NLGN1: variants seen among roughly 807,000 people sequenced by gnomAD.
The protein encoded by NLGN1 is neuroligin-1.
NLGN1 carries 12 observed loss-of-function variants against 65.5 expected under a neutral mutation model. The ratio of observed to expected loss-of-function variants is 0.18; its 90% CI spans 0.12 to 0.30. The LOEUF (loss-of-function observed/expected upper bound fraction) is 0.30, where lower values mean the gene tolerates loss of function less well. Ranked by LOEUF, NLGN1 falls within the 10% of genes least tolerant of loss-of-function variation. NLGN1 has a pLI of 1.00. For missense variants in NLGN1, 750 were observed against 1,007.1 expected (o/e 0.74, Z 3.46); for synonymous variants, 350 against 359.5 (o/e 0.97, Z 0.30).
intron 3 of NLGN1, among the ~76,000 whole-genome samples, chr3:173,760,866 A>G (rs1777873501): frequency 1.3e-5 from 2 of 152,034 alleles, no homozygotes; most frequent in African/African-American, 4.8e-5. Flanking sequence ...ATGACACAGC[A>G]ACTAAAATTT....
intron 3 of NLGN1, among the ~76,000 whole-genome samples, chr3:173,617,692 C>G (rs113418019): frequency 6.6e-6 from 1 of 152,194 alleles, no homozygotes; most frequent in Non-Finnish European, 1.5e-5. Context: ...TGCCAACAGC[C>G]AGAGCTCTTG....
At chr3:173,664,715 A>C (rs1761455588) in intron 3 of NLGN1, among the ~76,000 whole-genome samples, 1 of 152,126 alleles carries the variant, frequency 6.6e-6, no homozygotes, top group African/African-American at 2.4e-5. Context: ...CTTATGTGTT[A>C]TTATGTATCA....
chr3:174,138,422 T>C (rs1486178544), intron 4 of NLGN1, among the ~76,000 whole-genome samples: 4 of 150,874 alleles, frequency 2.7e-5, no homozygotes. Flanking sequence ...CTAGTACTGC[T>C]TTCTACTATT....
intron 4 of NLGN1, among the ~76,000 whole-genome samples, chr3:174,176,712 G>A (rs73035671): frequency 0.015 from 2,301 of 152,132 alleles, 57 homozygotes; most frequent in African/African-American, 0.052. Flanking sequence ...GGAAAGAAAC[G>A]TCATTTTAAT....
At chr3:173,396,558 A>C (rs997673522), upstream of NLGN1, 5 of 152,150 alleles carry the variant, frequency 3.3e-5, no homozygotes, top group African/African-American at 1.2e-4. Flanking sequence ...CACTATTAAC[A>C]TTCTTTTGAG....
At chr3:174,186,125 A>G (rs1731356282) in intron 4 of NLGN1, among the ~76,000 whole-genome samples, 1 of 152,108 alleles carries the variant, frequency 6.6e-6, no homozygotes, top group Admixed American at 6.6e-5. Flanking sequence ...GTTAGAAAAC[A>G]TCCTAAGTGA....
chr3:173,493,130 A>G (rs1729451584), intron 2 of NLGN1, among the ~76,000 whole-genome samples: 1 of 151,876 alleles, frequency 6.6e-6, no homozygotes, highest in African/African-American at 2.4e-5. Context: ...TCTTCAATAT[A>G]TGCCTATTGG....
chr3:173,671,744 A>G (rs898114289), intron 3 of NLGN1, among the ~76,000 whole-genome samples: 7 of 152,218 alleles, frequency 4.6e-5, no homozygotes, highest in Non-Finnish European at 1.0e-4. Flanking sequence ...ATCTGACCCA[A>G]TGGCAAACAC....
At chr3:173,461,387 A>T (rs902731852) in intron 2 of NLGN1, among the ~76,000 whole-genome samples, 3 of 151,908 alleles carry the variant, frequency 2.0e-5, no homozygotes, top group African/African-American at 7.3e-5. Context: ...TGCATTAATC[A>T]TGCACTATGC....
intron 4 of NLGN1, among the ~76,000 whole-genome samples, chr3:174,241,695 C>T (rs1045703577): frequency 6.6e-6 from 1 of 151,786 alleles, no homozygotes; most frequent in South Asian, 2.1e-4. Context: ...GTTCTGTCCC[C>T]CAGGCTGGAG....
chr3:173,733,482 G>T (rs1773200286), intron 3 of NLGN1, among the ~76,000 whole-genome samples: 1 of 151,996 alleles, frequency 6.6e-6, no homozygotes, highest in African/African-American at 2.4e-5. Context: ...GTACTGTCAG[G>T]GAGGAAGGAT....
chr3:174,275,392 A>G (rs769103845), exon 5 of NLGN1: 1 of 1,612,726 alleles, frequency 6.2e-7, no homozygotes, highest in South Asian at 1.1e-5. Context: ...AAGATGGACT[A>G]GTGAAAACAT....
intron 3 of NLGN1, among the ~76,000 whole-genome samples, chr3:173,698,463 A>G (rs957434615): frequency 6.6e-6 from 1 of 152,194 alleles, no homozygotes; most frequent in Non-Finnish European, 1.5e-5. Flanking sequence ...TGCGCCTTCT[A>G]CTAGTGGAAC....
intron 4 of NLGN1, among the ~76,000 whole-genome samples, chr3:173,819,314 T>G: frequency 6.6e-6 from 1 of 152,144 alleles, no homozygotes; most frequent in East Asian, 1.9e-4. Context: ...CCAGGCAAAT[T>G]ACTTTAATCC....
chr3:173,902,148 A>G (rs1286478285), intron 4 of NLGN1, among the ~76,000 whole-genome samples: 1 of 152,126 alleles, frequency 6.6e-6, no homozygotes. Flanking sequence ...GCACTCTGCC[A>G]CATCCCATAC....
chr3:173,574,551 T>C (rs922329233), intron 2 of NLGN1, among the ~76,000 whole-genome samples: 8 of 152,164 alleles, frequency 5.3e-5, no homozygotes, highest in African/African-American at 1.9e-4. Context: ...AAATAATTTA[T>C]TTAAAGTCTG....
intron 4 of NLGN1, among the ~76,000 whole-genome samples, chr3:173,891,774 GT>G (rs1735383863): frequency 6.6e-6 from 1 of 152,050 alleles, no homozygotes; most frequent in African/African-American, 2.4e-5. Context: ...CTCATACCCG[GT>G]GTTCAAAAGA....
intron 4 of NLGN1, among the ~76,000 whole-genome samples, chr3:174,045,342 G>A (rs1459329683): frequency 6.6e-6 from 1 of 152,052 alleles, no homozygotes; most frequent in Admixed American, 6.5e-5. Flanking sequence ...TCACATGACA[G>A]CAGGAAGGAG....
chr3:173,552,001 A>G (rs1740948025), intron 2 of NLGN1, among the ~76,000 whole-genome samples: 1 of 152,228 alleles, frequency 6.6e-6, no homozygotes, highest in African/African-American at 2.4e-5. Context: ...ACTCTTTGTA[A>G]GCCATTCAGG....
Sources: gnomAD v4.1 joint callset for allele counts (sites outside exome capture counted in the v4.1 genomes callset) on GRCh38, gnomAD v4.1.1 for gene constraint, MANE v1.5 for transcripts, NCBI Gene and HGNC (gene_info 2026-07-23, HGNC 2026-07-21) for gene names.